RNF115: variants seen among roughly 807,000 people sequenced by gnomAD.
RNF115 encodes ring finger protein 115.
RNF115 carries 31 observed loss-of-function variants against 39.2 expected under a neutral mutation model. That is an observed-to-expected ratio of 0.79 (90% CI 0.59 to 1.07). The LOEUF (loss-of-function observed/expected upper bound fraction) is 1.07. RNF115 is among the 50% of genes least tolerant of loss of function. The pLI, the probability that RNF115 is intolerant of heterozygous loss-of-function variation, is 0.00. For missense variants in RNF115, 384 were observed against 381.7 expected (o/e 1.01, Z -0.05); for synonymous variants, 124 against 131.0 (o/e 0.95, Z 0.37).
rs1553718534 is a variant in RNF115, at chr1:145,788,961, A to G, written c.108T>C (p.Tyr36=). 6.3e-7 allele frequency: 1 copy of G among 1,586,222 alleles called. No homozygotes were observed. Among genetic ancestry groups the G allele is most frequent in the Non-Finnish European group, 8.6e-7 (1 of 1,158,928 alleles). The change falls in exon 2 of 9, where the codon TAT becomes TAC. Residue 36 remains tyrosine (Y), a synonymous_variant. Transcript: ENST00000582693. ...AGCCTGATTCACATCTGGGACATATATATTCCTATAAAAGAAAGGAAGAAA... is the reference window on the plus strand; with the variant it reads ...AGCCTGATTCACATCTGGGACATATGTATTCCTATAAAAGAAAGGAAGAAA... The part of the protein sequence containing the change: ...KGEVSPKLPE[Y]ICPRCESGFI...
chr1:145,809,057 T>A (rs1649582009), intron 1 of RNF115, among the ~76,000 whole-genome samples: 1 of 152,130 alleles, frequency 6.6e-6, no homozygotes, highest in African/African-American at 2.4e-5. Flanking sequence ...TATGCAGAAA[T>A]AAAGCCGTAT....
chr1:145,760,560 CT>C (rs782302529), intron 4 of RNF115, among the ~76,000 whole-genome samples: 1 of 152,128 alleles, frequency 6.6e-6, no homozygotes, highest in Non-Finnish European at 1.5e-5. Flanking sequence ...TCAGGGGTTT[CT>C]GCTTTTGCTT....
chr1:145,813,133 T>A (rs1232021687), intron 1 of RNF115, among the ~76,000 whole-genome samples: 1 of 151,420 alleles, frequency 6.6e-6, no homozygotes, highest in East Asian at 1.9e-4. Context: ...GCCTTTCAAT[T>A]AGGATTATAC....
At chr1:145,774,477 G>A (rs587711324) in intron 3 of RNF115, among the ~76,000 whole-genome samples, 2 of 152,126 alleles carry the variant, frequency 1.3e-5, no homozygotes, top group Admixed American at 1.3e-4. Context: ...AGCCTCCCGA[G>A]AAGCTGGGAT....
chr1:145,788,056 C>A (rs1553718374), intron 2 of RNF115, among the ~76,000 whole-genome samples: 1 of 151,940 alleles, frequency 6.6e-6, no homozygotes, highest in African/African-American at 2.4e-5. Flanking sequence ...ATTAATATCA[C>A]CCTGGAAAGA....
At chr1:145,750,547 A>G (rs985090563) in intron 6 of RNF115, 47 bp from the exon 7 acceptor site, 1 of 1,448,370 alleles carries the variant, frequency 6.9e-7, no homozygotes, top group Non-Finnish European at 9.7e-7. Flanking sequence ...ACATCGCAAT[A>G]TCCCTGGAGA....
chr1:145,821,918 G>T (rs1277574208), intron 1 of RNF115, among the ~76,000 whole-genome samples: 4 of 131,088 alleles, frequency 3.1e-5, no homozygotes, highest in South Asian at 2.7e-4. Context: ...TATGGTAGAA[G>T]AGTTCTGCAG....
chr1:145,806,125 A>C (rs1649449919), intron 1 of RNF115, among the ~76,000 whole-genome samples: 1 of 152,148 alleles, frequency 6.6e-6, no homozygotes, highest in South Asian at 2.1e-4. Flanking sequence ...AGGCGGGTGG[A>C]TCACTTGAGG....
chr1:145,751,661 T>C (rs1176638364), intron 5 of RNF115, 151 bp from the exon 6 acceptor site: 1 of 527,492 alleles, frequency 1.9e-6, no homozygotes, highest in Non-Finnish European at 3.5e-6. Context: ...TCTGTACATT[T>C]TCAAGATCAA....
intron 1 of RNF115, among the ~76,000 whole-genome samples, chr1:145,813,447 G>C (rs1649823506): frequency 6.6e-6 from 1 of 152,076 alleles, no homozygotes; most frequent in African/African-American, 2.4e-5. Context: ...ATTTCCAGCT[G>C]TCTTACTAAA....
At chr1:145,760,695 G>C (rs1051876524) in intron 4 of RNF115, among the ~76,000 whole-genome samples, 20 of 152,194 alleles carry the variant, frequency 1.3e-4, no homozygotes, top group African/African-American at 3.6e-4. Context: ...CCCAGTCTTG[G>C]GTATGTCTTT....
intron 4 of RNF115, among the ~76,000 whole-genome samples, chr1:145,767,872 C>CTGAG (rs1391124680): frequency 6.6e-6 from 1 of 152,230 alleles, no homozygotes; most frequent in Non-Finnish European, 1.5e-5. Flanking sequence ...ACTCGGCAGG[C>CTGAG]TGAGGCAGGA....
intron 3 of RNF115, among the ~76,000 whole-genome samples, chr1:145,774,511 C>A (rs1398060480): frequency 4.0e-5 from 6 of 151,782 alleles, no homozygotes; most frequent in African/African-American, 1.5e-4. Context: ...CACCACGCCC[C>A]GCTAATTTTT....
intron 1 of RNF115, among the ~76,000 whole-genome samples, chr1:145,790,113 A>G (rs1553718748): frequency 6.6e-6 from 1 of 152,154 alleles, no homozygotes; most frequent in African/African-American, 2.4e-5. Context: ...TAGAGTGTCA[A>G]AGATTTTTTT....
intron 4 of RNF115, among the ~76,000 whole-genome samples, chr1:145,765,352 C>T (rs1468533214): frequency 2.6e-5 from 4 of 151,936 alleles, no homozygotes; most frequent in African/African-American, 9.7e-5. Context: ...GCTGACCTTC[C>T]CTCCACTATT....
chr1:145,761,109 C>G (rs782080224), intron 4 of RNF115, among the ~76,000 whole-genome samples: 3 of 152,172 alleles, frequency 2.0e-5, no homozygotes, highest in Non-Finnish European at 4.4e-5. Flanking sequence ...AACTTCTAAG[C>G]AGCAAAGCAT....
intron 4 of RNF115, among the ~76,000 whole-genome samples, chr1:145,758,859 C>T (rs186261781): frequency 1.3e-4 from 20 of 152,126 alleles, no homozygotes; most frequent in Admixed American, 4.6e-4. Flanking sequence ...GCTCAGAGAA[C>T]AATAGTTGAC....
At chr1:145,813,025 A>AC (rs1553722926) in intron 1 of RNF115, among the ~76,000 whole-genome samples, 13 of 146,534 alleles carry the variant, frequency 8.9e-5, no homozygotes, top group African/African-American at 2.7e-4. Flanking sequence ...CAGCACCTAA[A>AC]CTTCTGTATG....
intron 1 of RNF115, among the ~76,000 whole-genome samples, chr1:145,806,737 C>G (rs1018848321): frequency 2.6e-5 from 4 of 152,190 alleles, no homozygotes; most frequent in Non-Finnish European, 5.9e-5. Context: ...TTCCTGAGGT[C>G]CCACCAGAAG....
Sources: gnomAD v4.1 joint callset for allele counts (sites outside exome capture counted in the v4.1 genomes callset) on GRCh38, gnomAD v4.1.1 for gene constraint, MANE v1.5 for transcripts, NCBI Gene and HGNC (gene_info 2026-07-23, HGNC 2026-07-21) for gene names.